The following DKK4 variants were observed in gnomAD, a reference collection of about 807,000 sequenced individuals.
The protein encoded by DKK4 is dickkopf Wnt signaling pathway inhibitor 4, also known as dickkopf-related protein 4.
In DKK4, 15 loss-of-function variants were observed where a neutral mutation model predicts 14.5. That is an observed-to-expected ratio of 1.03 (90% CI 0.69 to 1.59). The LOEUF (loss-of-function observed/expected upper bound fraction) is 1.59. DKK4 is among the 40% of genes most tolerant of loss of function. The pLI, the probability that DKK4 is intolerant of heterozygous loss-of-function variation, is 0.00. For synonymous variants in DKK4, 89 were observed against 105.2 expected (o/e 0.85, Z 0.94); for missense variants, 272 against 280.3 (o/e 0.97, Z 0.21).
rs371279030 is a variant in DKK4, at chr8:42,376,904, C to T, written c.111+31G>A. The T allele has an allele frequency of 7.0e-6, 11 of 1,580,694 alleles. No individual in the cohort carries two copies. In the African/African-American group the frequency reaches 9.4e-5, roughly 14 times the overall value. On this transcript the variant is annotated intron_variant, in intron 1 of 3. Coordinates refer to ENST00000220812, the MANE Select transcript of DKK4 (RefSeq NM_014420.3). ...AAAACACCCCAGCTGTCAGCAGTCC[C>T]GTACCTCGCCCCCCTCCCTAGCAGC...
At chr8:42,381,428 C>T (rs981021885), upstream of DKK4, among the ~76,000 whole-genome samples, 12 of 152,166 alleles carry the variant, frequency 7.9e-5, no homozygotes, top group African/African-American at 2.7e-4. Flanking sequence ...TCCGTTTTGC[C>T]TCTGAGAGAC....
At chr8:42,376,258 C>T (rs905741037) in intron 1 of DKK4, among the ~76,000 whole-genome samples, 11 of 152,140 alleles carry the variant, frequency 7.2e-5, no homozygotes, top group African/African-American at 2.2e-4. Flanking sequence ...GCTTAGAGAC[C>T]CTTCCCTAAG....
At chr8:42,379,378 T>TATATAGAGAGAG (rs1166847600), upstream of DKK4, among the ~76,000 whole-genome samples, 1 of 34,556 alleles carries the variant, frequency 2.9e-5, no homozygotes. Flanking sequence ...TATATATATA[T>TATATAGAGAGAG]AGAGAGAGAG....
chr8:42,384,321 T>C, the DKK4 span, among the ~76,000 whole-genome samples: 1 of 152,138 alleles, frequency 6.6e-6, no homozygotes, highest in African/African-American at 2.4e-5. Flanking sequence ...TTTTGTATTT[T>C]TTGTGGAGAT....
chr8:42,386,010 C>T, the DKK4 span, among the ~76,000 whole-genome samples: 2 of 152,138 alleles, frequency 1.3e-5, no homozygotes, highest in African/African-American at 2.4e-5. Context: ...ATTACTAATG[C>T]CTACATCTGC....
the DKK4 span, among the ~76,000 whole-genome samples, chr8:42,388,238 T>C: frequency 2.0e-5 from 3 of 152,300 alleles, no homozygotes; most frequent in African/African-American, 7.2e-5. Flanking sequence ...CTTTTTGTTT[T>C]GTTTTATTTG....
chr8:42,381,423 T>C (rs1468592225), upstream of DKK4, among the ~76,000 whole-genome samples: 1 of 152,168 alleles, frequency 6.6e-6, no homozygotes, highest in African/African-American at 2.4e-5. Context: ...GGCTCTCCGT[T>C]TTGCCTCTGA....
upstream of DKK4, among the ~76,000 whole-genome samples, chr8:42,382,076 T>C (rs1453956802): frequency 6.6e-6 from 1 of 152,208 alleles, no homozygotes; most frequent in African/African-American, 2.4e-5. Flanking sequence ...ACTTTCCATC[T>C]TCCATAGACT....
the DKK4 span, among the ~76,000 whole-genome samples, chr8:42,383,617 A>G: frequency 6.6e-6 from 1 of 152,226 alleles, no homozygotes; most frequent in Admixed American, 6.5e-5. Flanking sequence ...TCCTTCCTCA[A>G]AGATAGGCTC....
the DKK4 span, among the ~76,000 whole-genome samples, chr8:42,385,451 A>C: frequency 6.6e-6 from 1 of 152,196 alleles, no homozygotes; most frequent in Admixed American, 6.5e-5. Flanking sequence ...TTTGGTAGAA[A>C]GTCCTCAGAC....
At chr8:42,385,944 C>T in the DKK4 span, among the ~76,000 whole-genome samples, 1 of 152,322 alleles carries the variant, frequency 6.6e-6, no homozygotes, top group African/African-American at 2.4e-5. Context: ...GTACATGCAG[C>T]ATTTATTTAT....
the DKK4 span, among the ~76,000 whole-genome samples, chr8:42,390,128 A>C: frequency 6.6e-6 from 1 of 151,820 alleles, no homozygotes; most frequent in Non-Finnish European, 1.5e-5. Flanking sequence ...TCCTGACCTC[A>C]AGTGATCCGC....
upstream of DKK4, among the ~76,000 whole-genome samples, chr8:42,379,387 A>ATATATATG (rs1563415728): frequency 2.1e-5 from 1 of 46,636 alleles, no homozygotes; most frequent in African/African-American, 1.1e-4. Flanking sequence ...ATAGAGAGAG[A>ATATATATG]GAGAGAGAGA....
chr8:42,385,967 A>G, the DKK4 span, among the ~76,000 whole-genome samples: 1 of 152,258 alleles, frequency 6.6e-6, no homozygotes, highest in Admixed American at 6.5e-5. Flanking sequence ...AATATGCAAT[A>G]TAATTAATCT....
the DKK4 span, among the ~76,000 whole-genome samples, chr8:42,383,369 C>T: frequency 5.9e-5 from 9 of 152,266 alleles, no homozygotes; most frequent in Non-Finnish European, 1.3e-4. Context: ...TCCTTCTGGT[C>T]TTGAGGGCCT....
the DKK4 span, among the ~76,000 whole-genome samples, chr8:42,384,702 G>A: frequency 4.6e-5 from 7 of 152,122 alleles, no homozygotes; most frequent in South Asian, 2.1e-4. Flanking sequence ...TGAAGACACC[G>A]AGACTCGGAG....
upstream of DKK4, among the ~76,000 whole-genome samples, chr8:42,378,437 G>T (rs1340999620): frequency 3.3e-5 from 5 of 152,212 alleles, no homozygotes; most frequent in Admixed American, 3.3e-4. Context: ...CTACTACTTG[G>T]CCCTTGTCCT....
intron 3 of DKK4, 46 bp downstream of exon 3, chr8:42,374,715 G>A: frequency 1.2e-6 from 2 of 1,611,906 alleles, no homozygotes; most frequent in Non-Finnish European, 1.7e-6. Context: ...GCTGGGAGGA[G>A]AAAATGCATT....
chr8:42,388,596 G>C, the DKK4 span, among the ~76,000 whole-genome samples: 1 of 151,462 alleles, frequency 6.6e-6, no homozygotes, highest in African/African-American at 2.4e-5. Flanking sequence ...TTTTGAGACG[G>C]AGTCTCACTC....
Sources: gnomAD v4.1 joint callset for allele counts (sites outside exome capture counted in the v4.1 genomes callset) on GRCh38, gnomAD v4.1.1 for gene constraint, MANE v1.5 for transcripts, NCBI Gene and HGNC (gene_info 2026-07-23, HGNC 2026-07-21) for gene names.